The following PIK3R1 variants were observed in gnomAD, a reference collection of about 807,000 sequenced individuals.
PIK3R1 encodes phosphatidylinositol 3-kinase regulatory subunit alpha.
A neutral mutation model predicts 98.0 loss-of-function variants in PIK3R1; 29 were observed. That is an observed-to-expected ratio of 0.30 (90% CI 0.22 to 0.40). The LOEUF is 0.40. Ranked by LOEUF, PIK3R1 falls within the 10% of genes least tolerant of loss-of-function variation. The probability of loss-of-function intolerance (pLI) is 1.00; values close to 1 mark genes in which losing one functional copy is unlikely to be tolerated. For synonymous variants in PIK3R1, 282 were observed against 311.8 expected, an observed-to-expected ratio of 0.90 and a Z score of 1.01; for missense variants, 596 against 872.7, an observed-to-expected ratio of 0.68 and a Z score of 3.99.
At chr5:68,296,062 T>G in intron 14 of PIK3R1, 109 bp from the exon 15 acceptor site, 2 of 1,055,394 alleles carry the variant, frequency 1.9e-6, no homozygotes, top group Non-Finnish European at 2.8e-6. Context: ...TCTGACTGGC[T>G]TGGTAGGGGC....
At chr5:68,279,785 G>C (rs1388765542) in intron 5 of PIK3R1, 52 bp downstream of exon 5, 4 of 1,573,222 alleles carry the variant, frequency 2.5e-6, no homozygotes, top group Non-Finnish European at 3.5e-6. Context: ...GAGATGTAGA[G>C]GTGCTTGTAT....
chr5:68,236,204 G>A (rs1047116319), intron 2 of PIK3R1, among the ~76,000 whole-genome samples: 3 of 150,694 alleles, frequency 2.0e-5, no homozygotes, highest in South Asian at 2.1e-4. Flanking sequence ...TTCATTTGAC[G>A]CTCACAACCA....
At chr5:68,276,090 T>A (rs1241930512) in intron 4 of PIK3R1, among the ~76,000 whole-genome samples, 2 of 152,252 alleles carry the variant, frequency 1.3e-5, no homozygotes, top group Non-Finnish European at 2.9e-5. Flanking sequence ...TTCTCTTTTT[T>A]AATTTTGCCC....
At position 68,298,838 on chromosome 5, in the gene PIK3R1, CAT is replaced by C. The variant is rs756251450; in HGVS notation, c.*1239_*1240del. 8.4e-5 allele frequency: 17 copies of C among 202,482 alleles called. No homozygotes were observed. Among genetic ancestry groups the C allele is most frequent in the Non-Finnish European group, 1.5e-4 (15 of 103,188 alleles). 12.5% of individuals were successfully genotyped at this position (202,482 alleles called of 1,614,324 possible). ...ATACGGTACCTGGCAATGTTTATTT[CAT>C]AAAGAATTGTGAACTTCTTGAATCT... On this transcript the variant is annotated 3_prime_UTR_variant, in exon 16 of 16. Transcript: ENST00000521381.
intron 2 of PIK3R1, among the ~76,000 whole-genome samples, chr5:68,253,522 T>C (rs905238209): frequency 2.0e-5 from 3 of 152,206 alleles, no homozygotes; most frequent in Non-Finnish European, 4.4e-5. Flanking sequence ...CAATGTGAAA[T>C]ATTGCTGCCT....
intron 2 of PIK3R1, among the ~76,000 whole-genome samples, chr5:68,248,070 C>A (rs1372934544): frequency 6.6e-6 from 1 of 151,634 alleles, no homozygotes; most frequent in Non-Finnish European, 1.5e-5. Context: ...CAATTCACTG[C>A]AACCTCTGCA....
rs992238703 is a variant in PIK3R1 at position 68,298,708 on chromosome 5, A to G, written c.*1107A>G. The G allele has an allele frequency of 4.3e-6, 1 of 233,438 alleles. No individual in the cohort carries two copies. The highest frequency in any genetic ancestry group is 8.5e-6 in the Non-Finnish European group (1 of 117,938). The allele number at this position is 233,438 out of a possible 1,614,324, so 14.5% of individuals were successfully genotyped here. Reference sequence around the variant, plus strand: ...GGACTGTTTTGTTGGGCAGTGCCTGATAAGCTTCAAAGCTGCTTTATTCAA... The same window carrying G: ...GGACTGTTTTGTTGGGCAGTGCCTGGTAAGCTTCAAAGCTGCTTTATTCAA... On this transcript the variant is annotated 3_prime_UTR_variant, in exon 16 of 16. Transcript: ENST00000521381.
intron 1 of PIK3R1, among the ~76,000 whole-genome samples, chr5:68,221,534 T>C (rs2111939065): frequency 6.6e-6 from 1 of 152,338 alleles, no homozygotes; most frequent in South Asian, 2.1e-4. Flanking sequence ...GGAGATAGAA[T>C]CACATGACTT....
intron 2 of PIK3R1, among the ~76,000 whole-genome samples, chr5:68,228,021 C>T (rs1206490088): frequency 6.6e-6 from 1 of 152,164 alleles, no homozygotes; most frequent in Non-Finnish European, 1.5e-5. Flanking sequence ...ATACCGGTTT[C>T]CTCACTAGTA....
chr5:68,245,443 C>A (rs774846836), intron 2 of PIK3R1, among the ~76,000 whole-genome samples: 9 of 152,090 alleles, frequency 5.9e-5, no homozygotes, highest in Non-Finnish European at 1.3e-4. Flanking sequence ...CACTTTTGTT[C>A]TTTTCCATTC....
At chr5:68,288,847 G>C (rs1021240076) in intron 7 of PIK3R1, 24 of 1,249,008 alleles carry the variant, frequency 1.9e-5, no homozygotes, top group Non-Finnish European at 1.2e-6. Flanking sequence ...GTGCGCCCCT[G>C]TAAGCGCTGC....
chr5:68,277,834 C>T (rs889084867), intron 4 of PIK3R1, among the ~76,000 whole-genome samples: 6 of 152,180 alleles, frequency 3.9e-5, no homozygotes, highest in African/African-American at 7.2e-5. Flanking sequence ...ATTCAGAGAA[C>T]TAAATCTGGT....
chr5:68,276,811 A>T (rs1746590175), intron 4 of PIK3R1, among the ~76,000 whole-genome samples: 1 of 152,206 alleles, frequency 6.6e-6, no homozygotes, highest in African/African-American at 2.4e-5. Flanking sequence ...AAGGGCTTTG[A>T]TGAATTAACT....
chr5:68,227,883 C>T (rs1365106055), intron 2 of PIK3R1, among the ~76,000 whole-genome samples: 2 of 152,330 alleles, frequency 1.3e-5, no homozygotes, highest in Non-Finnish European at 2.9e-5. Context: ...TCAAAAACCA[C>T]TTATTGCTTA....
chr5:68,265,144 T>C (rs1218880933), intron 2 of PIK3R1, among the ~76,000 whole-genome samples: 1 of 152,118 alleles, frequency 6.6e-6, no homozygotes, highest in African/African-American at 2.4e-5. Flanking sequence ...TGGGAGCCTG[T>C]TGGAAATGCA....
At position 68,295,478 on chromosome 5, in the gene PIK3R1, A is replaced by G; in HGVS notation, c.1804A>G (p.Asn602Asp). 6.2e-7 allele frequency: 1 copy of G among 1,613,994 alleles called. No homozygotes were observed. Among genetic ancestry groups the G allele is most frequent in the Non-Finnish European group, 8.5e-7 (1 of 1,179,822 alleles). Residue 602 changes from asparagine to aspartate, a missense_variant, in exon 14 of 16, where the codon AAC becomes GAC. Asn to Asp is a conservative substitution (Grantham distance 23). This residue lies in a region of PIK3R1 where 207 missense variants were observed against 361.4 expected (regional missense o/e 0.57). Transcript: ENST00000521381. ...KKLNEWLGNENTEDQYSLVED... is the reference protein window; with the variant it reads ...KKLNEWLGNEDTEDQYSLVED... ...GTTGAACGAGTGGTTGGGCAATGAA[A>G]ACACTGAAGAGTAAGTAGTTACTAA...
intron 1 of PIK3R1, among the ~76,000 whole-genome samples, chr5:68,225,220 T>C (rs1043456341): frequency 6.6e-6 from 1 of 152,218 alleles, no homozygotes; most frequent in Non-Finnish European, 1.5e-5. Flanking sequence ...ACTTCACTAT[T>C]TGGCCCTTGG....
chr5:68,223,499 G>C (rs1744170239), intron 1 of PIK3R1, among the ~76,000 whole-genome samples: 1 of 151,950 alleles, frequency 6.6e-6, no homozygotes, highest in Non-Finnish European at 1.5e-5. Context: ...GCCTTACTTT[G>C]GGGTCTCAGA....
intron 2 of PIK3R1, among the ~76,000 whole-genome samples, chr5:68,258,230 T>G (rs1021945132): frequency 2.0e-5 from 3 of 152,180 alleles, no homozygotes; most frequent in Non-Finnish European, 4.4e-5. Flanking sequence ...TAGTAGGAGT[T>G]TGAAGCCCAG....
Sources: allele counts gnomAD v4.1 joint callset (sites outside exome capture counted in the v4.1 genomes callset), GRCh38; gene constraint gnomAD v4.1.1; regional missense constraint gnomAD v4.1.1; transcripts MANE v1.5; gene names NCBI Gene and HGNC (gene_info 2026-07-23, HGNC 2026-07-21).